LOC128706666: variants seen among roughly 807,000 people sequenced by gnomAD.
chr20:10,424,573 C>T, the LOC128706666 span, among the ~76,000 whole-genome samples: 185 of 151,412 alleles, frequency 1.2e-3, no homozygotes, highest in African/African-American at 4.2e-3. Context: ...AAGCTCATTG[C>T]TAGTTTTACA....
chr20:10,431,024 T>C, the LOC128706666 span, among the ~76,000 whole-genome samples: 27 of 152,210 alleles, frequency 1.8e-4, no homozygotes, highest in Non-Finnish European at 2.1e-4. Context: ...CTCAATGTCA[T>C]GATCTGAAAT....
chr20:10,429,208 T>C, the LOC128706666 span, among the ~76,000 whole-genome samples: 3 of 152,182 alleles, frequency 2.0e-5, no homozygotes, highest in South Asian at 2.1e-4. Flanking sequence ...GTTCTGACCA[T>C]AAAGATCACC....
chr20:10,415,334 T>G, the LOC128706666 span, among the ~76,000 whole-genome samples: 1 of 152,308 alleles, frequency 6.6e-6, no homozygotes, highest in East Asian at 1.9e-4. Flanking sequence ...TACAGCATAG[T>G]ATGGTGATCA....
At chr20:10,427,053 C>T in the LOC128706666 span, among the ~76,000 whole-genome samples, 2 of 138,726 alleles carry the variant, frequency 1.4e-5, no homozygotes, top group Non-Finnish European at 3.3e-5. Context: ...CACACACACA[C>T]ACACACACAC....
the LOC128706666 span, among the ~76,000 whole-genome samples, chr20:10,423,213 C>T: frequency 1.3e-5 from 2 of 151,944 alleles, no homozygotes; most frequent in South Asian, 4.2e-4. Context: ...CTGAGGTGGG[C>T]GGATCACTTG....
the LOC128706666 span, among the ~76,000 whole-genome samples, chr20:10,422,139 AT>A: frequency 6.6e-6 from 1 of 152,208 alleles, no homozygotes. Context: ...AAAAGATGTT[AT>A]CTTATAGCTA....
the LOC128706666 span, among the ~76,000 whole-genome samples, chr20:10,427,029 GACACACACACACACACACACAC>G: frequency 1.9e-4 from 25 of 130,786 alleles, no homozygotes; most frequent in East Asian, 5.2e-4. Context: ...AGAAAACACT[GACACACACACACACACACACAC>G]ACACACACAC....
At chr20:10,430,788 C>T in the LOC128706666 span, among the ~76,000 whole-genome samples, 2 of 152,166 alleles carry the variant, frequency 1.3e-5, no homozygotes, top group South Asian at 2.1e-4. Flanking sequence ...GAAGCAAAGA[C>T]GGTGAAAAAT....
chr20:10,428,336 G>C, the LOC128706666 span, among the ~76,000 whole-genome samples: 2 of 152,172 alleles, frequency 1.3e-5, no homozygotes, highest in Non-Finnish European at 2.9e-5. Flanking sequence ...TAGATGAATG[G>C]GCCTTTAGTG....
chr20:10,431,335 CTTCA>C, the LOC128706666 span, among the ~76,000 whole-genome samples: 2,652 of 152,140 alleles, frequency 0.017, 80 homozygotes, highest in African/African-American at 0.06. Flanking sequence ...GCAATTTTCA[CTTCA>C]AATATGTACA....
chr20:10,416,058 C>G, the LOC128706666 span, among the ~76,000 whole-genome samples: 5 of 152,194 alleles, frequency 3.3e-5, no homozygotes, highest in East Asian at 7.7e-4. Flanking sequence ...TCTATTAAAA[C>G]TCTTTCTTCC....
At chr20:10,424,154 A>C in the LOC128706666 span, among the ~76,000 whole-genome samples, 1 of 152,194 alleles carries the variant, frequency 6.6e-6, no homozygotes, top group Non-Finnish European at 1.5e-5. Context: ...CTGTACATAT[A>C]ATAGTCCCTT....
the LOC128706666 span, among the ~76,000 whole-genome samples, chr20:10,427,047 C>G: frequency 1.4e-3 from 192 of 138,094 alleles, 1 homozygote; most frequent in African/African-American, 4.7e-3. Flanking sequence ...CACACACACA[C>G]ACACACACAC....
At chr20:10,424,496 T>A in the LOC128706666 span, among the ~76,000 whole-genome samples, 1 of 152,210 alleles carries the variant, frequency 6.6e-6, no homozygotes, top group South Asian at 2.1e-4. Flanking sequence ...ACATTGGATG[T>A]ATTCTATTGC....
the LOC128706666 span, chr20:10,420,590 G>C: frequency 2.0e-5 from 3 of 152,312 alleles, no homozygotes; most frequent in African/African-American, 7.2e-5. Flanking sequence ...GAAAGTCCCA[G>C]ACTATCTTGC....
chr20:10,421,110 C>CT, the LOC128706666 span, among the ~76,000 whole-genome samples: 21,704 of 151,972 alleles, frequency 0.14, 1,736 homozygotes, highest in East Asian at 0.24. Context: ...GAGTAAGAGC[C>CT]TTTTTTTAAA....
At chr20:10,418,326 C>T in the LOC128706666 span, among the ~76,000 whole-genome samples, 21,919 of 152,102 alleles carry the variant, frequency 0.14, 1,770 homozygotes, top group East Asian at 0.24. Flanking sequence ...GGCAAAAGGC[C>T]ATTAACTATT....
the LOC128706666 span, among the ~76,000 whole-genome samples, chr20:10,427,701 A>G: frequency 2.0e-5 from 3 of 152,236 alleles, no homozygotes; most frequent in African/African-American, 4.8e-5. Context: ...TAAACAGAAC[A>G]ATCGTTTTCC....
At chr20:10,420,668 G>T in the LOC128706666 span, 1 of 152,094 alleles carries the variant, frequency 6.6e-6, no homozygotes, top group South Asian at 2.1e-4. Context: ...CACCCCAAAT[G>T]TATGAGCCCA....
Sources: allele counts gnomAD v4.1 joint callset (sites outside exome capture counted in the v4.1 genomes callset), GRCh38; gene constraint gnomAD v4.1.1; transcripts MANE v1.5.